The following RNF216 variants were observed in gnomAD, a reference collection of about 807,000 sequenced individuals.
The protein encoded by RNF216 is ring finger protein 216.
In RNF216, 72 loss-of-function variants were observed where a neutral mutation model predicts 110.8. The observed-to-expected ratio is 0.65, with a 90% CI of 0.54 to 0.79. The LOEUF is 0.79. Ranked by LOEUF, RNF216 falls within the 30% of genes least tolerant of loss-of-function variation. RNF216 has a pLI of 0.00. For synonymous variants in RNF216, 495 were observed against 407.5 expected (o/e 1.21, Z -2.59); for missense variants, 1,342 against 1,141.2 (o/e 1.18, Z -2.54).
intron 1 of RNF216, among the ~76,000 whole-genome samples, chr7:5,779,795 C>G (rs1279994313): frequency 8.5e-6 from 1 of 117,308 alleles, no homozygotes; most frequent in African/African-American, 3.3e-5. Flanking sequence ...CACCACTGCA[C>G]TTTAGCCTGG....
At chr7:5,756,596 T>C (rs4724722) in intron 2 of RNF216, among the ~76,000 whole-genome samples, 124,415 of 152,116 alleles carry the variant, frequency 0.82, 52,782 homozygotes, top group Non-Finnish European at 0.92. Flanking sequence ...GGTTTCCCCA[T>C]GTTGGCTAGG....
At chr7:5,644,083 A>G (rs1787904415) in intron 14 of RNF216, among the ~76,000 whole-genome samples, 1 of 152,116 alleles carries the variant, frequency 6.6e-6, no homozygotes, top group Admixed American at 6.5e-5. Context: ...TAGTTTATTC[A>G]TGAGTTGATG....
At chr7:5,689,152 G>A (rs1157568141) in intron 13 of RNF216, among the ~76,000 whole-genome samples, 1 of 152,068 alleles carries the variant, frequency 6.6e-6, no homozygotes, top group Non-Finnish European at 1.5e-5. Flanking sequence ...AAGCACAGGA[G>A]GGAGGTGGAA....
intron 3 of RNF216, among the ~76,000 whole-genome samples, chr7:5,744,512 G>A (rs574775072): frequency 2.0e-5 from 3 of 152,192 alleles, no homozygotes; most frequent in Admixed American, 6.6e-5. Flanking sequence ...ATAACCATTC[G>A]AACTAAATAA....
At chr7:5,776,402 T>G (rs1796776346) in intron 1 of RNF216, among the ~76,000 whole-genome samples, 1 of 146,832 alleles carries the variant, frequency 6.8e-6, no homozygotes, top group Non-Finnish European at 1.5e-5. Context: ...GCTAACACGG[T>G]GAAACCCCGT....
chr7:5,755,403 G>A (rs1485651138), intron 2 of RNF216, among the ~76,000 whole-genome samples: 1 of 152,140 alleles, frequency 6.6e-6, no homozygotes, highest in African/African-American at 2.4e-5. Context: ...TATAAATCAA[G>A]TGTACAAGCT....
At chr7:5,633,593 C>T (rs916006553) in intron 15 of RNF216, among the ~76,000 whole-genome samples, 5 of 150,574 alleles carry the variant, frequency 3.3e-5, no homozygotes, top group African/African-American at 1.2e-4. Flanking sequence ...CAAAACAAAA[C>T]AAAACAAAAA....
intron 13 of RNF216, among the ~76,000 whole-genome samples, chr7:5,695,121 A>G (rs1405550806): frequency 6.6e-6 from 1 of 152,232 alleles, no homozygotes; most frequent in East Asian, 1.9e-4. Flanking sequence ...AATGACTTCA[A>G]GCTACACGAA....
At chr7:5,722,024 C>A (rs2128636718) in intron 8 of RNF216, among the ~76,000 whole-genome samples, 1 of 152,322 alleles carries the variant, frequency 6.6e-6, no homozygotes, top group South Asian at 2.1e-4. Flanking sequence ...TGGGCTCAGG[C>A]AATCCTCCCG....
intron 1 of RNF216, among the ~76,000 whole-genome samples, chr7:5,779,656 TAAAAA>T (rs34915284): frequency 4.4e-5 from 5 of 112,532 alleles, no homozygotes; most frequent in Admixed American, 2.0e-4. Context: ...CTCCGTCTCT[TAAAAA>T]AAAAAAAAAA....
At chr7:5,760,048 A>G (rs540053050) in intron 2 of RNF216, among the ~76,000 whole-genome samples, 1 of 152,310 alleles carries the variant, frequency 6.6e-6, no homozygotes, top group South Asian at 2.1e-4. Flanking sequence ...CATGGAATTT[A>G]TAATTGCAAA....
At chr7:5,627,585 A>G (rs1786791209) in intron 15 of RNF216, among the ~76,000 whole-genome samples, 1 of 152,110 alleles carries the variant, frequency 6.6e-6, no homozygotes, top group Non-Finnish European at 1.5e-5. Flanking sequence ...GTCTCTACTA[A>G]CAATACAAAA....
At chr7:5,640,005 C>G (rs1339569605) in intron 15 of RNF216, among the ~76,000 whole-genome samples, 1 of 151,574 alleles carries the variant, frequency 6.6e-6, no homozygotes, top group Non-Finnish European at 1.5e-5. Flanking sequence ...GTGATCCACC[C>G]GCCTCAGCCT....
intron 3 of RNF216, among the ~76,000 whole-genome samples, chr7:5,745,893 T>TAAAAAA (rs55943759): frequency 3.1e-5 from 4 of 130,034 alleles, no homozygotes; most frequent in Non-Finnish European, 6.4e-5. Flanking sequence ...GAGACTGTCT[T>TAAAAAA]AAAAAAAAAA....
At chr7:5,709,814 G>A (rs967883209) in intron 13 of RNF216, among the ~76,000 whole-genome samples, 2 of 152,166 alleles carry the variant, frequency 1.3e-5, no homozygotes, top group African/African-American at 2.4e-5. Context: ...GAGTGCAGTG[G>A]CGCAATCATG....
chr7:5,776,930 A>G (rs1007439158), intron 1 of RNF216, among the ~76,000 whole-genome samples: 6 of 137,300 alleles, frequency 4.4e-5, no homozygotes, highest in African/African-American at 1.3e-4. Context: ...GAGAGAGAAA[A>G]AGAGAGAGAG....
At position 5,716,712 on chromosome 7, in the gene RNF216, C is replaced by G. The variant is rs1320878585; in HGVS notation, c.1695+4G>C. 1.3e-6 allele frequency: 2 copies of G among 1,581,054 alleles called. No individual in the cohort carries two copies. The highest frequency in any genetic ancestry group is 2.7e-5 in the African/African-American group (2 of 73,988). On this transcript the variant is annotated splice_donor_region_variant and intron_variant, in intron 10 of 16. Transcript: ENST00000389902. Reference sequence around the variant, plus strand: ...AGAATAAACAAGGTGAGATTTCAAACTACCTTTTGATACTGTTCTTCATTC... The same window carrying G: ...AGAATAAACAAGGTGAGATTTCAAAGTACCTTTTGATACTGTTCTTCATTC...
chr7:5,759,545 C>T (rs1203336033), intron 2 of RNF216, among the ~76,000 whole-genome samples: 7 of 151,930 alleles, frequency 4.6e-5, no homozygotes, highest in Non-Finnish European at 1.0e-4. Flanking sequence ...CAATATATAA[C>T]GCATGTGTTG....
intron 9 of RNF216, among the ~76,000 whole-genome samples, chr7:5,720,020 G>A (rs1445730099): frequency 1.3e-5 from 2 of 152,216 alleles, no homozygotes; most frequent in Non-Finnish European, 2.9e-5. Context: ...ATTTTCAGGT[G>A]AAACTGGTGT....
Sources: gnomAD v4.1 joint callset for allele counts (sites outside exome capture counted in the v4.1 genomes callset) on GRCh38, gnomAD v4.1.1 for gene constraint, MANE v1.5 for transcripts, NCBI Gene and HGNC (gene_info 2026-07-23, HGNC 2026-07-21) for gene names.